The following METTL15 variants were observed in gnomAD, a reference collection of about 807,000 sequenced individuals.
METTL15 encodes methyltransferase 15, mitochondrial 12S rRNA N4-cytidine.
METTL15 carries 34 observed loss-of-function variants against 38.3 expected under a neutral mutation model. That is an observed-to-expected ratio of 0.89 (90% CI 0.68 to 1.18). The LOEUF is 1.18. Among genes scored for constraint, METTL15 ranks in the 50% most tolerant of loss-of-function variants. The probability of loss-of-function intolerance (pLI) is 0.00; values close to 1 mark genes in which losing one functional copy is unlikely to be tolerated. For missense variants in METTL15, 438 were observed against 498.4 expected (o/e 0.88, Z 1.15); for synonymous variants, 162 against 170.9 (o/e 0.95, Z 0.41).
intron 5 of METTL15, among the ~76,000 whole-genome samples, chr11:28,394,967 C>T (rs1359138495): frequency 7.9e-5 from 12 of 152,068 alleles, no homozygotes; most frequent in Admixed American, 6.6e-4. Context: ...GCTGATTTCT[C>T]CCTACTATAC....
At chr11:28,184,199 C>T (rs548068357) in intron 3 of METTL15, among the ~76,000 whole-genome samples, 4 of 151,902 alleles carry the variant, frequency 2.6e-5, no homozygotes, top group Non-Finnish European at 4.4e-5. Flanking sequence ...TTGATCTTTT[C>T]GAAAAACCAG....
intron 4 of METTL15, among the ~76,000 whole-genome samples, chr11:28,358,921 T>C (rs1850112316): frequency 6.6e-6 from 1 of 152,204 alleles, no homozygotes; most frequent in African/African-American, 2.4e-5. Flanking sequence ...TATTCTTTGT[T>C]GTTGTTGTTT....
intron 6 of METTL15, among the ~76,000 whole-genome samples, chr11:28,472,928 G>C (rs1851314855): frequency 6.6e-6 from 1 of 152,164 alleles, no homozygotes; most frequent in Admixed American, 6.6e-5. Context: ...TTTCCCTTTA[G>C]AATTTGAGTT....
chr11:28,402,713 T>C (rs1351955989), intron 5 of METTL15, among the ~76,000 whole-genome samples: 1 of 152,018 alleles, frequency 6.6e-6, no homozygotes, highest in Admixed American at 6.6e-5. Context: ...ACTTAAGGGA[T>C]ACAGATGCAG....
intron 4 of METTL15, among the ~76,000 whole-genome samples, chr11:28,264,799 T>C (rs1006781360): frequency 5.3e-5 from 8 of 152,192 alleles, no homozygotes; most frequent in Non-Finnish European, 1.2e-4. Context: ...CATTCCTTTC[T>C]GAATTTCTCT....
intron 6 of METTL15, among the ~76,000 whole-genome samples, chr11:28,470,273 G>A (rs1851292068): frequency 6.6e-6 from 1 of 152,122 alleles, no homozygotes; most frequent in South Asian, 2.1e-4. Flanking sequence ...ATTGCTAGTT[G>A]TAATCTTTTT....
intron 3 of METTL15, among the ~76,000 whole-genome samples, chr11:28,198,582 G>A (rs1251150459): frequency 6.6e-6 from 1 of 152,072 alleles, no homozygotes; most frequent in Admixed American, 6.6e-5. Flanking sequence ...TTTGTTTGTT[G>A]TAAAACTTTT....
At chr11:28,373,611 CTTTAGTTTAATTAGTTTAATTAA>C (rs1850271176) in intron 5 of METTL15, among the ~76,000 whole-genome samples, 1 of 151,958 alleles carries the variant, frequency 6.6e-6, no homozygotes, top group South Asian at 2.1e-4. Context: ...TGCAGAAGCT[CTTTAGTTTAATTAGTTTAATTAA>C]TTTAGTTTAA....
intron 3 of METTL15, among the ~76,000 whole-genome samples, chr11:28,118,282 G>A (rs984133059): frequency 2.0e-5 from 3 of 152,046 alleles, no homozygotes; most frequent in Non-Finnish European, 4.4e-5. Flanking sequence ...TACTACCTAT[G>A]TAGTTTACTA....
chr11:28,143,242 T>G (rs530501001), intron 3 of METTL15, among the ~76,000 whole-genome samples: 2 of 152,234 alleles, frequency 1.3e-5, no homozygotes, highest in Non-Finnish European at 2.9e-5. Flanking sequence ...CAGATTTAAT[T>G]CTTATTAAGT....
At chr11:28,326,767 G>C (rs1849647866) in intron 6 of METTL15, among the ~76,000 whole-genome samples, 2 of 151,390 alleles carry the variant, frequency 1.3e-5, no homozygotes, top group Admixed American at 1.3e-4. Context: ...TTTTGTTTTT[G>C]TTTTTGTTTT....
intron 3 of METTL15, among the ~76,000 whole-genome samples, chr11:28,114,131 G>A (rs187451350): frequency 6.7e-4 from 102 of 152,142 alleles, no homozygotes; most frequent in African/African-American, 2.3e-3. Context: ...GTATTCACTC[G>A]CCATTGACAT....
chr11:28,351,153 C>T (rs1850038423), intron 3 of METTL15, among the ~76,000 whole-genome samples: 1 of 151,916 alleles, frequency 6.6e-6, no homozygotes, highest in South Asian at 2.1e-4. Context: ...TGCTCTGTTG[C>T]TAGGCTGGAG....
chr11:28,514,396 T>A (rs892075503), intron 6 of METTL15, among the ~76,000 whole-genome samples: 1 of 152,162 alleles, frequency 6.6e-6, no homozygotes, highest in African/African-American at 2.4e-5. Context: ...CTTGAAGATA[T>A]AGATGTCATA....
At chr11:28,185,091 A>T (rs1851446480) in intron 3 of METTL15, among the ~76,000 whole-genome samples, 2 of 151,542 alleles carry the variant, frequency 1.3e-5, no homozygotes, top group South Asian at 4.1e-4. Flanking sequence ...AGAGTCTTTA[A>T]CTGTTTTCTA....
intron 5 of METTL15, among the ~76,000 whole-genome samples, chr11:28,294,166 A>T (rs934965142): frequency 2.0e-5 from 3 of 152,216 alleles, no homozygotes; most frequent in African/African-American, 7.2e-5. Flanking sequence ...AGGTTTGCCC[A>T]TTCAGTATGA....
chr11:28,330,137 T>C (rs952551034), intron 6 of METTL15, among the ~76,000 whole-genome samples: 9 of 152,186 alleles, frequency 5.9e-5, no homozygotes, highest in African/African-American at 1.9e-4. Flanking sequence ...TAAATATATG[T>C]CCACCATTTC....
At chr11:28,190,806 C>A (rs1026115867) in intron 3 of METTL15, among the ~76,000 whole-genome samples, 10 of 151,130 alleles carry the variant, frequency 6.6e-5, no homozygotes, top group Non-Finnish European at 8.9e-5. Context: ...AAAATGTTAG[C>A]AAAATTAACT....
At chr11:28,118,447 A>C (rs1304585139) in intron 3 of METTL15, among the ~76,000 whole-genome samples, 3 of 152,168 alleles carry the variant, frequency 2.0e-5, no homozygotes, top group Non-Finnish European at 4.4e-5. Flanking sequence ...ATCATTTCAT[A>C]TTCTAGGTGA....
Sources: allele counts gnomAD v4.1 joint callset (sites outside exome capture counted in the v4.1 genomes callset), GRCh38; gene constraint gnomAD v4.1.1; transcripts MANE v1.5; gene names NCBI Gene and HGNC (gene_info 2026-07-23, HGNC 2026-07-21).